CLCA4: variants seen among roughly 807,000 people sequenced by gnomAD.
The protein encoded by CLCA4 is calcium-activated chloride channel regulator 4.
In CLCA4, 69 loss-of-function variants were observed where a neutral mutation model predicts 78.9. The ratio of observed to expected loss-of-function variants is 0.87; its 90% CI spans 0.72 to 1.07. The LOEUF is 1.07. CLCA4 is among the 50% of genes least tolerant of loss of function. CLCA4 has a pLI of 0.00. For missense variants in CLCA4, 1,133 were observed against 1,095.8 expected (o/e 1.03, Z -0.48); for synonymous variants, 362 against 375.8 (o/e 0.96, Z 0.42).
rs1450069527 is a variant in CLCA4, at chr1:86,575,577, G to A, written c.1929G>A (p.Leu643=). Residue 643 remains leucine, a synonymous_variant, in exon 11 of 14, where the codon TTG becomes TTA. Transcript: ENST00000370563. ...CACAGAATGGACATACAGAAGTTTT[G>A]GAACTTTTGGATAATGGTGCAGGTA... ...IESQNGHTEV[L]ELLDNGAGAD... is the part of the protein sequence containing the mutation. 4 of 1,612,514 alleles carry A rather than the reference G, an allele frequency of 2.5e-6. No homozygotes were observed. The East Asian group carries it at 6.7e-5, about 27-fold the overall frequency.
chr1:86,561,511 C>A (rs1480972863), intron 3 of CLCA4, among the ~76,000 whole-genome samples: 2 of 152,162 alleles, frequency 1.3e-5, no homozygotes, highest in African/African-American at 4.8e-5. Flanking sequence ...AGCTACTCAA[C>A]AATATTTTTA....
intron 3 of CLCA4, among the ~76,000 whole-genome samples, chr1:86,561,174 C>G (rs1219385169): frequency 6.6e-6 from 1 of 152,172 alleles, no homozygotes; most frequent in Non-Finnish European, 1.5e-5. Context: ...GTTCCATCAT[C>G]TCCTCATGTC....
In CLCA4 at chr1:86,561,803, T is replaced by C. The variant is rs567453391; in HGVS notation, c.448+1445T>C. 2.9e-4 allele frequency among the ~76,000 whole-genome samples: 44 copies of C among 152,258 alleles called. No homozygotes were observed. In the South Asian group the frequency reaches 8.1e-3, roughly 28 times the overall value. ...CCCGTATCCCACACCTCAACCCTATTCTATTACTGATAGGTCACCCCTTCT... is the reference window on the plus strand; with the variant it reads ...CCCGTATCCCACACCTCAACCCTATCCTATTACTGATAGGTCACCCCTTCT... On this transcript the variant is annotated intron_variant, in intron 3 of 13. Coordinates refer to ENST00000370563, the MANE Select transcript of CLCA4 (RefSeq NM_012128.4).
Position 86,547,134 on chromosome 1 carries a change from A to T in CLCA4, c.15A>T (p.Arg5Ser), listed in dbSNP as rs1649527219. ...AGAGAGGAACAATGGGGTTATTCAG[A>T]GGTTTTGTTTTCCTCTTAGTTCTGT... MGLF[R>S]GFVFLLVLCL... The change falls in exon 1 of 14, where the codon AGA becomes AGT. Residue 5 changes from arginine to serine, a missense_variant. Coordinates refer to ENST00000370563, the MANE Select transcript of CLCA4 (RefSeq NM_012128.4). 1 of 1,605,462 alleles carries T rather than the reference A, an allele frequency of 6.2e-7. No individual in the cohort carries two copies. Among genetic ancestry groups the T allele is most frequent in the Admixed American group, 1.7e-5 (1 of 57,642 alleles).
intron 7 of CLCA4, 103 bp from the exon 8 acceptor site, chr1:86,570,974 G>A: frequency 1.3e-6 from 1 of 792,410 alleles, no homozygotes; most frequent in Non-Finnish European, 2.0e-6. Flanking sequence ...CTTCTATTCT[G>A]CATAACTTTG....
chr1:86,575,379 A>G lies in CLCA4; in HGVS notation c.1731A>G (p.Thr577=), dbSNP rs745978425. Residue 577 remains threonine (T), a synonymous_variant, in exon 11 of 14, where the codon ACA becomes ACG. Transcript: ENST00000370563. ...TTCAAGCCAAAGCGAACCCAGAAACATTAACTATTACAGTAACTTCTCGAG... is the reference window on the plus strand; with the variant it reads ...TTCAAGCCAAAGCGAACCCAGAAACGTTAACTATTACAGTAACTTCTCGAG... ...YNLQAKANPE[T]LTITVTSRAA... 7.7e-5 allele frequency: 125 copies of G among 1,613,276 alleles called. No homozygotes were observed. The highest frequency in any genetic ancestry group is 9.5e-5 in the Non-Finnish European group (112 of 1,179,552).
Position 86,579,804 on chromosome 1 carries a change from G to A in CLCA4, c.2357-138G>A, listed in dbSNP as rs1199908296. The A allele has an allele frequency of 8.3e-6, 6 of 726,628 alleles. No individual in the cohort carries two copies. The Admixed American group carries it at 1.8e-4, about 22-fold the overall frequency. The allele number at this position is 726,628 out of a possible 1,614,324, so 45.0% of individuals were successfully genotyped here. A position where few individuals can be genotyped will look rare whatever the true frequency, so the allele number is the denominator to read the frequency against. On this transcript the variant is annotated intron_variant, in intron 13 of 13. Transcript: ENST00000370563. ...TAGCAATTTGCAGAGCTTAAGACCA[G>A]AATTCAGCTTTTATTAAAAAATGAG... is the stretch of plus-strand genomic sequence containing the variant.
intron 3 of CLCA4, 80 bp from the exon 4 acceptor site, chr1:86,563,581 T>C (rs1311286438): frequency 7.8e-6 from 5 of 642,144 alleles, no homozygotes; most frequent in Non-Finnish European, 1.0e-5. Context: ...TATTTTATAA[T>C]TGAAAGAGAA....
At chr1:86,560,603 A>T (rs557046507) in intron 3 of CLCA4, among the ~76,000 whole-genome samples, 8 of 152,356 alleles carry the variant, frequency 5.3e-5, no homozygotes, top group Middle Eastern at 3.4e-3. Context: ...AATCCAGACA[A>T]ATATACTCAG....
rs774204047 is a variant in CLCA4 at position 86,565,964 on chromosome 1, C to T, written c.898C>T (p.Leu300=). 2 of 1,613,284 alleles carry T rather than the reference C, an allele frequency of 1.2e-6. No homozygotes were observed. The highest frequency in any genetic ancestry group is 1.7e-6 in the Non-Finnish European group (2 of 1,179,388). The stretch of plus-strand genomic sequence containing the variant: ...ACCTCCTCCACCTGTCTTCTCATTG[C>T]TGAAGATCAGTCAAAGAATTGTGTG... ...TPPPPPVFSL[L]KISQRIVCLV... Residue 300 remains leucine (L), a synonymous_variant, in exon 6 of 14, where the codon CTG becomes TTG. Transcript: ENST00000370563.
intron 3 of CLCA4, 45 bp from the exon 4 acceptor site, chr1:86,563,616 G>C (rs780276561): frequency 1.2e-5 from 11 of 916,914 alleles, no homozygotes; most frequent in Non-Finnish European, 1.5e-5. Context: ...GATACAAAAC[G>C]TGTCACTTGG....
chr1:86,573,070 A>G, intron 9 of CLCA4: 1 of 286,396 alleles, frequency 3.5e-6, no homozygotes, highest in South Asian at 3.4e-5. Flanking sequence ...CATGCTTCCA[A>G]GCTTTCCCCA....
chr1:86,570,079 A>AAT (rs1387787376), intron 7 of CLCA4, among the ~76,000 whole-genome samples: 2 of 151,914 alleles, frequency 1.3e-5, no homozygotes, highest in African/African-American at 2.4e-5. Flanking sequence ...CATATATTGC[A>AAT]ATATATATAT....
At chr1:86,555,602 C>T (rs1649815122) in intron 1 of CLCA4, among the ~76,000 whole-genome samples, 1 of 152,088 alleles carries the variant, frequency 6.6e-6, no homozygotes, top group African/African-American at 2.4e-5. Flanking sequence ...TTACTGCATC[C>T]CTGTAGTGTA....
chr1:86,555,384 G>T (rs1366199291), intron 1 of CLCA4, among the ~76,000 whole-genome samples: 2 of 152,118 alleles, frequency 1.3e-5, no homozygotes, highest in African/African-American at 4.8e-5. Context: ...TTTATACATG[G>T]TGTAAGGAAG....
Position 86,580,375 on chromosome 1 carries a change from G to C in CLCA4, c.*30G>C. ...TAACGAAGAAAAAAATCTTCAAGTA[G>C]ACCTAGAAGAGAGTTTTAAAAAACA... On this transcript the variant is annotated 3_prime_UTR_variant, in exon 14 of 14. Transcript: ENST00000370563. The C allele has an allele frequency of 6.7e-7, 1 of 1,490,058 alleles. No individual in the cohort carries two copies. Among genetic ancestry groups the C allele is most frequent in the South Asian group, 1.4e-5 (1 of 71,048 alleles). The allele number at this position is 1,490,058 out of a possible 1,614,324, so 92.3% of individuals were successfully genotyped here. A position where few individuals can be genotyped will look rare whatever the true frequency, so the allele number is the denominator to read the frequency against.
rs1364419120 is a variant in CLCA4, at chr1:86,571,217, T to C, written c.1323T>C (p.Ala441=). 5 of 1,612,626 alleles carry C rather than the reference T, an allele frequency of 3.1e-6. No individual in the cohort carries two copies. Among genetic ancestry groups the C allele is most frequent in the Non-Finnish European group, 4.2e-6 (5 of 1,179,074 alleles). The change falls in exon 8 of 14, where the codon GCT becomes GCC. Residue 441 remains alanine (A), a synonymous_variant. Transcript: ENST00000370563. The part of the protein sequence containing the change: ...AIVHFIALGR[A]ADEAVIEMSK... ...TTCATTTTATTGCTTTGGGAAGAGC[T>C]GCTGATGAAGCAGTAATAGAGATGA...
At chr1:86,560,477 T>C in intron 3 of CLCA4, 119 bp downstream of exon 3, 3 of 972,962 alleles carry the variant, frequency 3.1e-6, no homozygotes, top group Non-Finnish European at 4.5e-6. Flanking sequence ...CTCCCCTACT[T>C]ACTAGCTGTA....
At chr1:86,567,380 C>G (rs1306402775) in intron 6 of CLCA4, 44 bp from the exon 7 acceptor site, 2 of 1,460,992 alleles carry the variant, frequency 1.4e-6, no homozygotes, top group Non-Finnish European at 1.9e-6. Context: ...CTATTATTTT[C>G]CAGTCAAAAT....
Sources: allele counts gnomAD v4.1 joint callset (sites outside exome capture counted in the v4.1 genomes callset), GRCh38; gene constraint gnomAD v4.1.1; transcripts MANE v1.5; gene names NCBI Gene and HGNC (gene_info 2026-07-23, HGNC 2026-07-21).